PSKH1: variants seen among roughly 807,000 people sequenced by gnomAD.
The protein encoded by PSKH1 is serine/threonine-protein kinase H1.
A neutral mutation model predicts 26.7 loss-of-function variants in PSKH1; 12 were observed. That is an observed-to-expected ratio of 0.45 (90% confidence interval 0.29 to 0.73). The LOEUF (loss-of-function observed/expected upper bound fraction) is 0.73. Among genes scored for constraint, PSKH1 ranks in the 30% least tolerant of loss-of-function variants. The probability of loss-of-function intolerance (pLI) is 0.11; values close to 1 mark genes in which losing one functional copy is unlikely to be tolerated. For synonymous variants in PSKH1, 213 were observed against 234.3 expected (o/e 0.91, Z 0.83); for missense variants, 431 against 595.2 (o/e 0.72, Z 2.87).
chr16:67,925,538 C>T (rs2058213652), intron 2 of PSKH1, among the ~76,000 whole-genome samples: 1 of 152,086 alleles, frequency 6.6e-6, no homozygotes, highest in Non-Finnish European at 1.5e-5. Context: ...GACTTACCTG[C>T]CTGTCGGGGA....
chr16:67,916,629 A>C (rs2058188690), intron 2 of PSKH1, among the ~76,000 whole-genome samples: 1 of 152,064 alleles, frequency 6.6e-6, no homozygotes, highest in Non-Finnish European at 1.5e-5. Context: ...GTAATGGAGG[A>C]GGAAGGCAGC....
intron 1 of PSKH1, among the ~76,000 whole-genome samples, chr16:67,896,469 C>T (rs565757320): frequency 1.3e-5 from 2 of 149,516 alleles, no homozygotes; most frequent in East Asian, 3.9e-4. Flanking sequence ...TAGGAAGCTG[C>T]TTTGTATTGT....
rs2058143675 is a variant in PSKH1, at chr16:67,902,175, G to A, written c.-70-6505G>A. ...CTTGGGAGGCTGAGGCACGAGAATTGTTTGAACCTGGGAAGTGGAGGTTGC... is the reference window on the plus strand; with the variant it reads ...CTTGGGAGGCTGAGGCACGAGAATTATTTGAACCTGGGAAGTGGAGGTTGC... On this transcript the variant is annotated intron_variant, in intron 1 of 2. Coordinates refer to ENST00000291041, the MANE Select transcript of PSKH1 (RefSeq NM_006742.3). Among the ~76,000 whole-genome samples, 3 of 151,692 alleles carry A rather than the reference G, an allele frequency of 2.0e-5. No individual in the cohort carries two copies. The South Asian group carries it at 6.2e-4, about 31-fold the overall frequency.
At chr16:67,902,271 AAG>A (rs1276118516) in intron 1 of PSKH1, among the ~76,000 whole-genome samples, 4 of 150,692 alleles carry the variant, frequency 2.7e-5, no homozygotes, top group South Asian at 2.1e-4. Context: ...AAAAAAAAAA[AAG>A]AAATAAAAAT....
In PSKH1 at chr16:67,910,280, G is replaced by A. The variant is rs79431462; in HGVS notation, c.957+574G>A. ...GTGGGAAGCTGTTGCCAGGCACCAAGCAGTGTGCCACAGCTGCAGATGAGC... is the reference window on the plus strand; with the variant it reads ...GTGGGAAGCTGTTGCCAGGCACCAAACAGTGTGCCACAGCTGCAGATGAGC... On this transcript the variant is annotated intron_variant, in intron 2 of 2. Coordinates refer to ENST00000291041, the MANE Select transcript of PSKH1 (RefSeq NM_006742.3). 5.4e-3 allele frequency among the ~76,000 whole-genome samples: 826 copies of A among 152,304 alleles called. 6 individuals are homozygous for A. The highest frequency in any genetic ancestry group is 9.0e-3 in the Non-Finnish European group (613 of 68,018).
At chr16:67,919,972 G>A (rs1284231832) in intron 2 of PSKH1, among the ~76,000 whole-genome samples, 6 of 152,300 alleles carry the variant, frequency 3.9e-5, no homozygotes, top group South Asian at 2.1e-4. Flanking sequence ...GCATTCAGCC[G>A]TTCCTGCTGA....
intron 1 of PSKH1, among the ~76,000 whole-genome samples, chr16:67,899,500 T>TA (rs2058136085): frequency 6.6e-6 from 1 of 151,652 alleles, no homozygotes; most frequent in Non-Finnish European, 1.5e-5. Flanking sequence ...CACACCGGGC[T>TA]AATTTTTTGT....
At chr16:67,906,969 C>CTTTTTTT (rs986926896) in intron 1 of PSKH1, among the ~76,000 whole-genome samples, 1 of 144,624 alleles carries the variant, frequency 6.9e-6, no homozygotes, top group Admixed American at 6.9e-5. Context: ...CCCTCTGACT[C>CTTTTTTT]TTTTTTTTTT....
At chr16:67,897,509 A>G (rs1046560647) in intron 1 of PSKH1, among the ~76,000 whole-genome samples, 2 of 152,212 alleles carry the variant, frequency 1.3e-5, no homozygotes, top group African/African-American at 4.8e-5. Flanking sequence ...GTCATGTATC[A>G]AGGGACTCTT....
At chr16:67,893,743 A>G (rs2058118681) in intron 1 of PSKH1, among the ~76,000 whole-genome samples, 1 of 151,930 alleles carries the variant, frequency 6.6e-6, no homozygotes, top group South Asian at 2.1e-4. Context: ...CCCGGCGCCT[A>G]CTCCACACCC....
intron 2 of PSKH1, among the ~76,000 whole-genome samples, chr16:67,926,980 T>C (rs942558657): frequency 2.0e-5 from 3 of 152,134 alleles, no homozygotes; most frequent in Non-Finnish European, 4.4e-5. Flanking sequence ...GTGGGAAAGT[T>C]TGAATCATTC....
intron 2 of PSKH1, among the ~76,000 whole-genome samples, chr16:67,914,744 G>T (rs578175727): frequency 1.3e-5 from 2 of 152,180 alleles, no homozygotes; most frequent in Admixed American, 6.5e-5. Context: ...GTGAGCCACC[G>T]CACCCGGTGA....
At chr16:67,922,626 C>T (rs1463256631) in intron 2 of PSKH1, among the ~76,000 whole-genome samples, 1 of 152,168 alleles carries the variant, frequency 6.6e-6, no homozygotes, top group Non-Finnish European at 1.5e-5. Flanking sequence ...AAAAAGGAAT[C>T]CAGGAGTTTA....
At chr16:67,924,378 C>T (rs1372429702) in intron 2 of PSKH1, among the ~76,000 whole-genome samples, 3 of 152,206 alleles carry the variant, frequency 2.0e-5, no homozygotes, top group African/African-American at 4.8e-5. Flanking sequence ...ACTAACAGGC[C>T]GGCCGCTCCA....
At chr16:67,902,284 G>A (rs1414106384) in intron 1 of PSKH1, among the ~76,000 whole-genome samples, 2 of 151,738 alleles carry the variant, frequency 1.3e-5, no homozygotes, top group Non-Finnish European at 2.9e-5. Flanking sequence ...AAATAAAAAT[G>A]AATCGAAAAG....
At chr16:67,921,568 G>T (rs1181867772) in intron 2 of PSKH1, among the ~76,000 whole-genome samples, 2 of 151,938 alleles carry the variant, frequency 1.3e-5, no homozygotes, top group Non-Finnish European at 2.9e-5. Flanking sequence ...GTGACAGAGT[G>T]AGACTCTGTC....
rs145586498 is a variant in PSKH1 at position 67,925,258 on chromosome 16, C to T, written c.958-2067C>T. Among the ~76,000 whole-genome samples, 919 of 150,798 alleles carry T rather than the reference C, an allele frequency of 6.1e-3. 6 individuals carry two copies. The highest frequency in any genetic ancestry group is 0.021 in the African/African-American group (849 of 41,000). On this transcript the variant is annotated intron_variant, in intron 2 of 2. Coordinates refer to ENST00000291041, the MANE Select transcript of PSKH1 (RefSeq NM_006742.3). ...GTTGCCAGGCTGGAGTGCAGTGGTGCGATCTTGGCTCACTGCAACCTCCGC... is the reference window on the plus strand; with the variant it reads ...GTTGCCAGGCTGGAGTGCAGTGGTGTGATCTTGGCTCACTGCAACCTCCGC...
intron 2 of PSKH1, among the ~76,000 whole-genome samples, chr16:67,925,223 G>A (rs1327738876): frequency 2.0e-5 from 3 of 150,286 alleles, no homozygotes; most frequent in African/African-American, 7.4e-5. Flanking sequence ...TTGAGACGGA[G>A]TCTCGCTCTG....
intron 2 of PSKH1, among the ~76,000 whole-genome samples, chr16:67,912,789 A>G (rs1304234098): frequency 6.6e-6 from 1 of 150,870 alleles, no homozygotes; most frequent in Admixed American, 6.6e-5. Context: ...AATCACTTGA[A>G]CCCATGAGGC....
Sources: gnomAD v4.1 joint callset for allele counts (sites outside exome capture counted in the v4.1 genomes callset) on GRCh38, gnomAD v4.1.1 for gene constraint, MANE v1.5 for transcripts, NCBI Gene and HGNC (gene_info 2026-07-23, HGNC 2026-07-21) for gene names.